The following KALRN variants were observed in gnomAD, a reference collection of about 807,000 sequenced individuals.
KALRN encodes kalirin RhoGEF kinase.
Under a neutral mutation model 353.7 loss-of-function variants are expected in KALRN, and 70 were observed. The observed-to-expected ratio is 0.20, with a 90% CI of 0.16 to 0.24. KALRN has a LOEUF of 0.24. Ranked by LOEUF, KALRN falls within the 10% of genes least tolerant of loss-of-function variation. The pLI, the probability that KALRN is intolerant of heterozygous loss-of-function variation, is 1.00. For missense variants in KALRN, 2,791 were observed against 3,756.7 expected, an observed-to-expected ratio of 0.74 and a Z score of 6.72; for synonymous variants, 1,391 against 1,434.8, an observed-to-expected ratio of 0.97 and a Z score of 0.69.
intron 1 of KALRN, among the ~76,000 whole-genome samples, chr3:124,198,288 T>C (rs2075634999): frequency 6.6e-6 from 1 of 152,216 alleles, no homozygotes; most frequent in Non-Finnish European, 1.5e-5. Context: ...CCATAACTCA[T>C]GATTTGTGCA....
At chr3:124,586,536 G>A (rs1279238619) in intron 34 of KALRN, among the ~76,000 whole-genome samples, 2 of 152,168 alleles carry the variant, frequency 1.3e-5, no homozygotes, top group Non-Finnish European at 2.9e-5. Flanking sequence ...GGGGAGGGCT[G>A]GGGAGCTGGC....
chr3:124,550,064 TGAG>T (rs768064368), intron 33 of KALRN, among the ~76,000 whole-genome samples: 5 of 152,092 alleles, frequency 3.3e-5, no homozygotes, highest in Non-Finnish European at 5.9e-5. Flanking sequence ...GACCAGTTAA[TGAG>T]GAGACACCTG....
chr3:124,263,277 C>T (rs919635943), intron 3 of KALRN, among the ~76,000 whole-genome samples: 1 of 152,202 alleles, frequency 6.6e-6, no homozygotes, highest in Non-Finnish European at 1.5e-5. Context: ...CATCCTGATA[C>T]GTGCATTTCA....
chr3:124,299,793 T>A (rs989613350), intron 6 of KALRN, among the ~76,000 whole-genome samples: 2 of 152,194 alleles, frequency 1.3e-5, no homozygotes, highest in Non-Finnish European at 1.5e-5. Context: ...ACCACTCTTA[T>A]CCCTCATAAA....
intron 28 of KALRN, among the ~76,000 whole-genome samples, chr3:124,485,390 G>A (rs1277214177): frequency 6.6e-6 from 1 of 152,192 alleles, no homozygotes; most frequent in Non-Finnish European, 1.5e-5. Context: ...GATGAATTAT[G>A]TGGCATAGAC....
At chr3:124,366,358 G>T (rs534521202) in intron 10 of KALRN, among the ~76,000 whole-genome samples, 1 of 147,224 alleles carries the variant, frequency 6.8e-6, no homozygotes, top group Non-Finnish European at 1.5e-5. Context: ...GCGGCCTTCC[G>T]CAGTGTTTGT....
At chr3:124,316,325 C>T (rs984019440) in intron 6 of KALRN, among the ~76,000 whole-genome samples, 29 of 151,240 alleles carry the variant, frequency 1.9e-4, no homozygotes, top group Non-Finnish European at 3.1e-4. Flanking sequence ...CTGAGTGATC[C>T]TGCCTAAAGG....
rs540504081 is a variant in KALRN, at chr3:124,265,963, A to C, written c.456+1273A>C. Among the ~76,000 whole-genome samples, 32 of 152,168 alleles carry C rather than the reference A, an allele frequency of 2.1e-4. No individual in the cohort carries two copies. The South Asian group carries it at 5.0e-3, about 24-fold the overall frequency. On this transcript the variant is annotated intron_variant, in intron 4 of 59. Coordinates refer to ENST00000682506, the MANE Select transcript of KALRN (RefSeq NM_001388419.1). ...AAACCCTGTCTCTACTAAAAATACA[A>C]AATTAGCCGGGCGTGGTGGCGTGTG...
chr3:124,479,183 GCATCCC>G (rs1309727344), intron 27 of KALRN, among the ~76,000 whole-genome samples: 2 of 152,066 alleles, frequency 1.3e-5, no homozygotes, highest in East Asian at 3.9e-4. Flanking sequence ...TACATACCTC[GCATCCC>G]CATTTCTAGC....
At chr3:124,144,639 TCCTCCTCTTCCTCATCC>T (rs1465841494) in intron 1 of KALRN, among the ~76,000 whole-genome samples, 2 of 150,798 alleles carry the variant, frequency 1.3e-5, no homozygotes. Context: ...TTCCTCATCC[TCCTCCTCTTCCTCATCC>T]TCTTCCTCTT....
At chr3:124,510,655 C>T (rs556031) in intron 33 of KALRN, among the ~76,000 whole-genome samples, 68,893 of 151,914 alleles carry the variant, frequency 0.45, 16,965 homozygotes, top group East Asian at 0.62. Context: ...TTCTGGATCT[C>T]CTTCTTTGTA....
chr3:124,118,950 T>A (rs1354024607), intron 1 of KALRN, among the ~76,000 whole-genome samples: 7 of 152,180 alleles, frequency 4.6e-5, no homozygotes, highest in Admixed American at 4.6e-4. Flanking sequence ...CATGGAGTAG[T>A]GACATTGAAC....
intron 37 of KALRN, among the ~76,000 whole-genome samples, chr3:124,650,449 A>G (rs1374647458): frequency 6.6e-6 from 1 of 152,252 alleles, no homozygotes; most frequent in East Asian, 1.9e-4. Context: ...CTGGAGTACC[A>G]TATTCACCCT....
intron 34 of KALRN, among the ~76,000 whole-genome samples, chr3:124,616,805 A>T (rs1561433278): frequency 6.6e-6 from 1 of 152,004 alleles, no homozygotes; most frequent in Non-Finnish European, 1.5e-5. Flanking sequence ...CTCTACTAAA[A>T]ATACAAAAAA....
intron 34 of KALRN, among the ~76,000 whole-genome samples, chr3:124,573,555 T>C (rs1479642492): frequency 6.6e-6 from 1 of 152,116 alleles, no homozygotes; most frequent in African/African-American, 2.4e-5. Flanking sequence ...AGGCTGGAGT[T>C]CAGTGGCATG....
At chr3:124,475,434 C>T (rs766901131) in intron 26 of KALRN, among the ~76,000 whole-genome samples, 2 of 152,204 alleles carry the variant, frequency 1.3e-5, no homozygotes, top group East Asian at 1.9e-4. Context: ...ATTCTGAACT[C>T]AGGCTCATGT....
chr3:124,211,870 G>A (rs1381013846), intron 1 of KALRN, among the ~76,000 whole-genome samples: 1 of 152,164 alleles, frequency 6.6e-6, no homozygotes, highest in Admixed American at 6.5e-5. Flanking sequence ...CATCTCTGGG[G>A]ATAGAAACTG....
intron 19 of KALRN, among the ~76,000 whole-genome samples, chr3:124,442,894 G>A (rs548581135): frequency 6.6e-6 from 1 of 152,076 alleles, no homozygotes; most frequent in Admixed American, 6.5e-5. Flanking sequence ...GAGATGGAAG[G>A]CTCATTTGAG....
In KALRN at chr3:124,683,315, C is replaced by T. The variant is rs75361114; in HGVS notation, c.7377+3798C>T. 9.2e-3 allele frequency among the ~76,000 whole-genome samples: 1,404 copies of T among 152,284 alleles called. 26 individuals are homozygous for T. The highest frequency in any genetic ancestry group is 0.032 in the African/African-American group (1,332 of 41,546). ...TATCTGCACTGACACCCCAGGCTCA[C>T]GTGTTCAGGGTCAGCATCTGGCCTA... On this transcript the variant is annotated intron_variant, in intron 51 of 59. Transcript: ENST00000682506.
Sources: allele counts gnomAD v4.1 joint callset (sites outside exome capture counted in the v4.1 genomes callset), GRCh38; gene constraint gnomAD v4.1.1; transcripts MANE v1.5; gene names NCBI Gene and HGNC (gene_info 2026-07-23, HGNC 2026-07-21).